TCIM: variants seen among roughly 807,000 people sequenced by gnomAD.
The protein encoded by TCIM is transcriptional and immune response regulator.
A neutral mutation model predicts 7.0 loss-of-function variants in TCIM; 5 were observed. That is an observed-to-expected ratio of 0.71 (90% CI 0.37 to 1.50). The LOEUF (loss-of-function observed/expected upper bound fraction) is 1.50, where lower values mean the gene tolerates loss of function less well. Ranked by LOEUF, TCIM falls within the 40% of genes most tolerant of loss-of-function variation. The pLI, the probability that TCIM is intolerant of heterozygous loss-of-function variation, is 0.03. For missense variants in TCIM, 137 were observed against 129.7 expected (o/e 1.06, Z -0.27); for synonymous variants, 66 against 50.3 (o/e 1.31, Z -1.32).
chr8:40,153,863 G>A lies in TCIM; in HGVS notation c.*10G>A. The A allele has an allele frequency of 1.2e-6, 2 of 1,601,934 alleles. No individual in the cohort carries two copies. Among genetic ancestry groups the A allele is most frequent in the Admixed American group, 1.7e-5 (1 of 58,444 alleles). On this transcript the variant is annotated 3_prime_UTR_variant, in exon 1 of 1. Transcript: ENST00000315792. ...CATCAAAGTTCACTGAAGAGAAGAG[G>A]ATGGATAAGGACGTTATCCAAGAAT...
rs1390730527 is a variant in TCIM at position 40,154,904 on chromosome 8, A to G, written c.*1051A>G. 6.0e-6 allele frequency: 1 copy of G among 167,048 alleles called. No homozygotes were observed. Among genetic ancestry groups the G allele is most frequent in the Non-Finnish European group, 1.5e-5 (1 of 68,090 alleles). The allele number at this position is 167,048 out of a possible 1,614,324, so 10.3% of individuals were successfully genotyped here. On this transcript the variant is annotated 3_prime_UTR_variant, in exon 1 of 1. Transcript: ENST00000315792. ...CTTTTCTAAAGATGTGTCTCTAACA[A>G]TAAAAGTTAATTTTAGAGTAGTTTT...
chr8:40,153,540 C>G lies in TCIM; in HGVS notation c.8C>G (p.Ala3Gly), dbSNP rs1301962294. The change falls in exon 1 of 1, where the codon GCA becomes GGA. Residue 3 changes from alanine (A) to glycine (G), a missense_variant. Coordinates refer to ENST00000315792, the MANE Select transcript of TCIM (RefSeq NM_020130.5). MK[A>G]KRSHQAVIMS... ...CGGAAGATCCCCACATCGATGAAAG[C>G]AAAGCGAAGCCACCAAGCCGTCATC... is the stretch of plus-strand genomic sequence containing the variant. The G allele has an allele frequency of 1.9e-6, 3 of 1,609,610 alleles. No homozygotes were observed. Among genetic ancestry groups the G allele is most frequent in the Admixed American group, 1.7e-5 (1 of 59,362 alleles).
In TCIM at chr8:40,153,810, T is replaced by C; in HGVS notation, c.278T>C (p.Phe93Ser). 6.2e-7 allele frequency: 1 copy of C among 1,613,730 alleles called. No individual in the cohort carries two copies. Among genetic ancestry groups the C allele is most frequent in the East Asian group, 2.2e-5 (1 of 44,870 alleles). Reference protein sequence around the residue: ...ALKKRTKDKLFQFLKLRKYSI... With the variant: ...ALKKRTKDKLSQFLKLRKYSI... ...AAGAAGAGGACAAAAGACAAGCTTT[T>C]CCAGTTTCTGAAACTGCGGAAATAT... Residue 93 changes from phenylalanine to serine, a missense_variant, in exon 1 of 1, where the codon TTC becomes TCC. Transcript: ENST00000315792.
In TCIM at chr8:40,153,728, A is replaced by C. The variant is rs1804749180; in HGVS notation, c.196A>C (p.Ile66Leu). ...CAAGAAAGCAGAGGAGAGAGCCAAG[A>C]TCATTTTTGCCATAGATCAAGATGT... Reference protein sequence around the residue: ...GDKKAEERAKIIFAIDQDVEE... With the variant: ...GDKKAEERAKLIFAIDQDVEE... The change falls in exon 1 of 1, where the codon ATC (isoleucine) becomes CTC (leucine). Residue 66 changes from isoleucine (I) to leucine (L), a missense_variant. Coordinates refer to ENST00000315792, the MANE Select transcript of TCIM (RefSeq NM_020130.5). The C allele has an allele frequency of 1.2e-6, 2 of 1,614,056 alleles. No individual in the cohort carries two copies. The highest frequency in any genetic ancestry group is 2.7e-5 in the African/African-American group (2 of 74,940).
chr8:40,154,108 T>G lies in TCIM; in HGVS notation c.*255T>G. The G allele has an allele frequency of 1.9e-6, 1 of 520,860 alleles. No individual in the cohort carries two copies. The allele number at this position is 520,860 out of a possible 1,614,324, so 32.3% of individuals were successfully genotyped here. A position where few individuals can be genotyped will look rare whatever the true frequency, so the allele number is the denominator to read the frequency against. On this transcript the variant is annotated 3_prime_UTR_variant, in exon 1 of 1. Coordinates refer to ENST00000315792, the MANE Select transcript of TCIM (RefSeq NM_020130.5). ...ATGCTTTCAGCAAGGATTTGAAAAC[T>G]CTTCCGTCCCTGCAGGAAAGGATTG...
rs570222497 is a variant in TCIM at position 40,153,638 on chromosome 8, G to A, written c.106G>A (p.Val36Met). 2.5e-6 allele frequency: 4 copies of A among 1,614,010 alleles called. No homozygotes were observed. The highest frequency in any genetic ancestry group is 3.4e-6 in the Non-Finnish European group (4 of 1,180,008). ...HFDTASRKKA[V>M]GNIFENTDQE... Reference sequence around the variant, plus strand: ...CGACACAGCCTCTCGTAAGAAAGCCGTGGGCAACATCTTTGAAAACACAGA... The same window carrying A: ...CGACACAGCCTCTCGTAAGAAAGCCATGGGCAACATCTTTGAAAACACAGA... Residue 36 changes from valine to methionine, a missense_variant, in exon 1 of 1, where the codon GTG becomes ATG. By Grantham distance (21) the Val-to-Met change is conservative (BLOSUM62 1). Transcript: ENST00000315792.
rs749000656 is a variant in TCIM, at chr8:40,153,569, T to C, written c.37T>C (p.Ser13Pro). Reference protein sequence around the residue: ...AKRSHQAVIMSTSLRVSPSIH... With the variant: ...AKRSHQAVIMPTSLRVSPSIH... ...GCGAAGCCACCAAGCCGTCATCATG[T>C]CCACGTCGCTACGAGTCAGCCCATC... The change falls in exon 1 of 1, where the codon TCC becomes CCC. Residue 13 changes from serine to proline, a missense_variant. Coordinates refer to ENST00000315792, the MANE Select transcript of TCIM (RefSeq NM_020130.5). The C allele has an allele frequency of 9.3e-6, 15 of 1,613,890 alleles. No individual in the cohort carries two copies. The highest frequency in any genetic ancestry group is 1.3e-5 in the Non-Finnish European group (15 of 1,179,972).
In TCIM at chr8:40,154,838, T is replaced by C. The variant is rs1210103446; in HGVS notation, c.*985T>C. Reference sequence around the variant, plus strand: ...GGCTTTTGGTCTGTGATGCTTGGTCTCAAAGGAAAAAATAAGATGGTAAAT... The same window carrying C: ...GGCTTTTGGTCTGTGATGCTTGGTCCCAAAGGAAAAAATAAGATGGTAAAT... On this transcript the variant is annotated 3_prime_UTR_variant, in exon 1 of 1. Coordinates refer to ENST00000315792, the MANE Select transcript of TCIM (RefSeq NM_020130.5). 1 of 166,996 alleles carries C rather than the reference T, an allele frequency of 6.0e-6. No individual in the cohort carries two copies. The highest frequency in any genetic ancestry group is 1.5e-5 in the Non-Finnish European group (1 of 68,078). The allele number at this position is 166,996 out of a possible 1,614,324, so 10.3% of individuals were successfully genotyped here. A position where few individuals can be genotyped will look rare whatever the true frequency, so the allele number is the denominator to read the frequency against.
chr8:40,154,594 G>T lies in TCIM; in HGVS notation c.*741G>T, dbSNP rs1315913055. 1 of 175,508 alleles carries T rather than the reference G, an allele frequency of 5.7e-6. No individual in the cohort carries two copies. Among genetic ancestry groups the T allele is most frequent in the African/African-American group, 2.4e-5 (1 of 41,782 alleles). 10.9% of individuals were successfully genotyped at this position (175,508 alleles called of 1,614,324 possible). ...GTTGCACAAAAGTTAAAATAATGGG[G>T]TCTTTTATAAATCCAAAGTACTGTG... is the stretch of plus-strand genomic sequence containing the variant. On this transcript the variant is annotated 3_prime_UTR_variant, in exon 1 of 1. Transcript: ENST00000315792.
Position 40,153,768 on chromosome 8 carries a change from G to A in TCIM, c.236G>A (p.Arg79His), listed in dbSNP as rs185652259. The change falls in exon 1 of 1, where the codon CGT becomes CAT. Residue 79 changes from arginine (R) to histidine (H), a missense_variant. Transcript: ENST00000315792. ...GATCAAGATGTGGAGGAGAAAACGCGTGCCCTGATGGCCTTGAAGAAGAGG... is the reference window on the plus strand; with the variant it reads ...GATCAAGATGTGGAGGAGAAAACGCATGCCCTGATGGCCTTGAAGAAGAGG... ...AIDQDVEEKT[R>H]ALMALKKRTK... The A allele has an allele frequency of 3.6e-5, 58 of 1,614,140 alleles. No homozygotes were observed. The East Asian group carries it at 4.7e-4, about 13-fold the overall frequency.
At position 40,153,506 on chromosome 8, in the gene TCIM, G is replaced by A. The variant is rs749022444; in HGVS notation, c.-27G>A. ...TACAGACTCTCTGGAAAGCCTGGGA[G>A]CTGAATTCCGGAAGATCCCCACATC... On this transcript the variant is annotated 5_prime_UTR_variant, in exon 1 of 1. Coordinates refer to ENST00000315792, the MANE Select transcript of TCIM (RefSeq NM_020130.5). 1 of 1,580,734 alleles carries A rather than the reference G, an allele frequency of 6.3e-7. No homozygotes were observed. The highest frequency in any genetic ancestry group is 8.6e-7 in the Non-Finnish European group (1 of 1,160,644).
Position 40,154,364 on chromosome 8 carries a change from A to G in TCIM, c.*511A>G, listed in dbSNP as rs540915842. On this transcript the variant is annotated 3_prime_UTR_variant, in exon 1 of 1. Transcript: ENST00000315792. ...GAATTTTTATATCTGAGTGTTCAAA[A>G]TATTTCCAAGCCTGAGTATTGTCTA... The G allele has an allele frequency of 2.4e-6, 1 of 411,670 alleles. No individual in the cohort carries two copies. The highest frequency in any genetic ancestry group is 1.4e-4 in the South Asian group (1 of 7,022). The allele number at this position is 411,670 out of a possible 1,614,324, so 25.5% of individuals were successfully genotyped here. A position where few individuals can be genotyped will look rare whatever the true frequency, so the allele number is the denominator to read the frequency against.
Position 40,154,197 on chromosome 8 carries a change from C to T in TCIM, c.*344C>T. 2 of 415,790 alleles carry T rather than the reference C, an allele frequency of 4.8e-6. No individual in the cohort carries two copies. The highest frequency in any genetic ancestry group is 8.8e-6 in the Non-Finnish European group (2 of 228,090). The allele number at this position is 415,790 out of a possible 1,614,324, so 25.8% of individuals were successfully genotyped here. A position where few individuals can be genotyped will look rare whatever the true frequency, so the allele number is the denominator to read the frequency against. ...AAAGAAAACAGATGGCTGGAGATGA[C>T]ATTTATCCAGGGTCACTTTGTCAGG... is the stretch of plus-strand genomic sequence containing the variant. On this transcript the variant is annotated 3_prime_UTR_variant, in exon 1 of 1. Transcript: ENST00000315792.
rs1804762891 is a variant in TCIM, at chr8:40,154,355, G to A, written c.*502G>A. The A allele has an allele frequency of 2.4e-6, 1 of 411,724 alleles. No homozygotes were observed. Among genetic ancestry groups the A allele is most frequent in the Non-Finnish European group, 4.4e-6 (1 of 225,752 alleles). The allele number at this position is 411,724 out of a possible 1,614,324, so 25.5% of individuals were successfully genotyped here. ...TTGTTTACTGAATTTTTATATCTGA[G>A]TGTTCAAAATATTTCCAAGCCTGAG... is the stretch of plus-strand genomic sequence containing the variant. On this transcript the variant is annotated 3_prime_UTR_variant, in exon 1 of 1. Coordinates refer to ENST00000315792, the MANE Select transcript of TCIM (RefSeq NM_020130.5).
rs1210064994 is a variant in TCIM, at chr8:40,154,821, G to A, written c.*968G>A. The A allele has an allele frequency of 6.0e-6, 1 of 166,906 alleles. No individual in the cohort carries two copies. Among genetic ancestry groups the A allele is most frequent in the East Asian group, 1.9e-4 (1 of 5,198 alleles). 10.3% of individuals were successfully genotyped at this position (166,906 alleles called of 1,614,324 possible). ...ATTATTGTAAACTTTGTGGCTTTTG[G>A]TCTGTGATGCTTGGTCTCAAAGGAA... On this transcript the variant is annotated 3_prime_UTR_variant, in exon 1 of 1. Transcript: ENST00000315792.
Position 40,153,715 on chromosome 8 carries a change from G to A in TCIM, c.183G>A (p.Glu61=), listed in dbSNP as rs1202673771. The change falls in exon 1 of 1, where the codon GAG becomes GAA. Residue 61 remains glutamate, a synonymous_variant. Transcript: ENST00000315792. ...GAAACTCTGGAGACAAGAAAGCAGA[G>A]GAGAGAGCCAAGATCATTTTTGCCA... ...LFRNSGDKKA[E]ERAKIIFAID... is the part of the protein sequence containing the mutation. 6.2e-7 allele frequency: 1 copy of A among 1,614,128 alleles called. No individual in the cohort carries two copies. Among genetic ancestry groups the A allele is most frequent in the South Asian group, 1.1e-5 (1 of 91,082 alleles).
In TCIM at chr8:40,153,545, C is replaced by A. The variant is rs369320336; in HGVS notation, c.13C>A (p.Arg5=). Residue 5 remains arginine, a synonymous_variant, in exon 1 of 1, where the codon CGA becomes AGA. Coordinates refer to ENST00000315792, the MANE Select transcript of TCIM (RefSeq NM_020130.5). MKAK[R]SHQAVIMSTS... ...GATCCCCACATCGATGAAAGCAAAG[C>A]GAAGCCACCAAGCCGTCATCATGTC... 4 of 1,610,318 alleles carry A rather than the reference C, an allele frequency of 2.5e-6. No homozygotes were observed. In the African/African-American group the frequency reaches 5.4e-5, roughly 22 times the overall value.
In TCIM at chr8:40,155,276, T is replaced by C. The variant is rs1435220299; in HGVS notation, c.*1423T>C. On this transcript the variant is annotated 3_prime_UTR_variant, in exon 1 of 1. Transcript: ENST00000315792. ...ATATTATCTCTTTGCTTATTTCCCG[T>C]TAAAACTATAATAAAATGTTTCTAG... 6.0e-6 allele frequency: 1 copy of C among 166,852 alleles called. No homozygotes were observed. The highest frequency in any genetic ancestry group is 2.4e-5 in the African/African-American group (1 of 41,456). 10.3% of individuals were successfully genotyped at this position (166,852 alleles called of 1,614,324 possible). A position where few individuals can be genotyped will look rare whatever the true frequency, so the allele number is the denominator to read the frequency against.
Position 40,153,666 on chromosome 8 carries a change from A to G in TCIM, c.134A>G (p.Gln45Arg). ...GGCAACATCTTTGAAAACACAGACCAAGAATCACTAGAAAGGCTCTTCAGA... is the reference window on the plus strand; with the variant it reads ...GGCAACATCTTTGAAAACACAGACCGAGAATCACTAGAAAGGCTCTTCAGA... ...AVGNIFENTD[Q>R]ESLERLFRNS... The change falls in exon 1 of 1, where the codon CAA (glutamine) becomes CGA (arginine). Residue 45 changes from glutamine to arginine, a missense_variant. Transcript: ENST00000315792. 6.2e-7 allele frequency: 1 copy of G among 1,614,160 alleles called. No homozygotes were observed. The highest frequency in any genetic ancestry group is 8.5e-7 in the Non-Finnish European group (1 of 1,180,010).
Sources: allele counts gnomAD v4.1 joint callset, GRCh38; gene constraint gnomAD v4.1.1; transcripts MANE v1.5; gene names NCBI Gene and HGNC (gene_info 2026-07-23, HGNC 2026-07-21).